ZNF507: variants seen among roughly 807,000 people sequenced by gnomAD.
ZNF507 encodes zinc finger protein 507.
In ZNF507, 29 loss-of-function variants were observed where a neutral mutation model predicts 80.0. That is an observed-to-expected ratio of 0.36 (90% CI 0.27 to 0.49). The LOEUF is 0.49. Among genes scored for constraint, ZNF507 ranks in the 20% least tolerant of loss-of-function variants. The probability of loss-of-function intolerance (pLI) is 0.98; values close to 1 mark genes in which losing one functional copy is unlikely to be tolerated. For synonymous variants in ZNF507, 462 were observed against 422.5 expected (o/e 1.09, Z -1.15); for missense variants, 1,081 against 1,152.2 (o/e 0.94, Z 0.90).
chr19:32,378,651 A>T (rs201046798), intron 5 of ZNF507, among the ~76,000 whole-genome samples: 3,300 of 26,148 alleles, frequency 0.13, 115 homozygotes, highest in African/African-American at 0.25. Context: ...TTTTTTTTTT[A>T]AAAAAAAAAG....
intron 5 of ZNF507, among the ~76,000 whole-genome samples, chr19:32,370,750 T>C (rs752486132): frequency 2.0e-5 from 3 of 152,250 alleles, no homozygotes; most frequent in Non-Finnish European, 4.4e-5. Context: ...TTGTCCCATT[T>C]ATTTATTTGT....
chr19:32,358,628 C>T (rs1178517356), intron 4 of ZNF507: 6 of 152,164 alleles, frequency 3.9e-5, no homozygotes, highest in Admixed American at 3.3e-4. Flanking sequence ...TATGGTGTTA[C>T]TCCATGAAAC....
At position 32,361,947 on chromosome 19, in the gene ZNF507, G is replaced by A. The variant is rs779685740; in HGVS notation, c.2360+1329G>A. ...TCCTTTTTTTCTTTGACAGAGTCTC[G>A]CTCTGTCATCACCCAGGCTGGAGTG... On this transcript the variant is annotated intron_variant, in intron 5 of 6. Transcript: ENST00000355898. Among the ~76,000 whole-genome samples the A allele has an allele frequency of 8.1e-4, 96 of 119,164 alleles. 1 individual carries two copies. Among genetic ancestry groups the A allele is most frequent in the South Asian group, 4.4e-3 (15 of 3,416 alleles). The allele number at this position is 119,164 out of a possible 152,430, so 78.2% of individuals were successfully genotyped here.
At chr19:32,349,582 G>A (rs1287621881) in intron 2 of ZNF507, among the ~76,000 whole-genome samples, 1 of 152,158 alleles carries the variant, frequency 6.6e-6, no homozygotes, top group African/African-American at 2.4e-5. Context: ...CAAGTATTAA[G>A]AATTTAAAAT....
At chr19:32,374,021 G>A (rs1191900164) in intron 5 of ZNF507, among the ~76,000 whole-genome samples, 1 of 152,210 alleles carries the variant, frequency 6.6e-6, no homozygotes, top group Non-Finnish European at 1.5e-5. Flanking sequence ...AGAGCTGCCA[G>A]TGAAGTTTGT....
At chr19:32,350,182 A>T (rs1458008364) in intron 2 of ZNF507, among the ~76,000 whole-genome samples, 1 of 145,974 alleles carries the variant, frequency 6.9e-6, no homozygotes, top group Non-Finnish European at 1.5e-5. Context: ...ATACTTTATT[A>T]TCAGCTGTTT....
In ZNF507 at chr19:32,353,917, G is replaced by C. The variant is rs61758385; in HGVS notation, c.1087G>C (p.Glu363Gln). The C allele has an allele frequency of 8.2e-4, 1,328 of 1,614,030 alleles. 1 individual carries two copies. Among genetic ancestry groups the C allele is most frequent in the Non-Finnish European group, 1.0e-3 (1,232 of 1,180,038 alleles). Residue 363 changes from glutamate to glutamine, a missense_variant, in exon 3 of 7, where the codon GAA becomes CAA. Around this residue, in one of 6 missense-constraint regions of ZNF507, gnomAD observed 614 missense variants for 583.9 expected, o/e 1.05. Transcript: ENST00000355898. The part of the protein sequence containing the change: ...TLDPNEEEML[E>Q]VISDAEENLI... ...GGACCCCAATGAGGAAGAAATGCTA[G>C]AAGTGATTTCTGATGCAGAGGAGAA...
Position 32,386,400 on chromosome 19 carries a change from A to G in ZNF507, c.*3317A>G, listed in dbSNP as rs918758810. 2 of 152,644 alleles carry G rather than the reference A, an allele frequency of 1.3e-5. No individual in the cohort carries two copies. Among genetic ancestry groups the G allele is most frequent in the Admixed American group, 1.3e-4 (2 of 15,286 alleles). 9.5% of individuals were successfully genotyped at this position (152,644 alleles called of 1,614,324 possible). A position where few individuals can be genotyped will look rare whatever the true frequency, so the allele number is the denominator to read the frequency against. ...CACTTATTTAATCTTTTTAAATTGTACAGCAAGGTGCTCTAAGTAATATTC... is the reference window on the plus strand; with the variant it reads ...CACTTATTTAATCTTTTTAAATTGTGCAGCAAGGTGCTCTAAGTAATATTC... On this transcript the variant is annotated 3_prime_UTR_variant, in exon 7 of 7. Coordinates refer to ENST00000355898, the MANE Select transcript of ZNF507 (RefSeq NM_001136156.2).
At position 32,354,378 on chromosome 19, in the gene ZNF507, G is replaced by C. The variant is rs1333812224; in HGVS notation, c.1548G>C (p.Gly516=). 1 of 1,614,086 alleles carries C rather than the reference G, an allele frequency of 6.2e-7. No individual in the cohort carries two copies. The highest frequency in any genetic ancestry group is 8.5e-7 in the Non-Finnish European group (1 of 1,180,018). ...CAGAGTTGACAAGAGCCAACCTGGG[G>C]CACTATGGAGATATAAACCTTTTAG... The part of the protein sequence containing the change: ...RAAELTRANL[G]HYGDINLLDP... The change falls in exon 3 of 7, where the codon GGG becomes GGC. Residue 516 remains glycine, a synonymous_variant. Transcript: ENST00000355898.
At chr19:32,360,417 AT>A in intron 4 of ZNF507, 86 bp from the exon 5 acceptor site, 1 of 602,890 alleles carries the variant, frequency 1.7e-6, no homozygotes, top group South Asian at 3.7e-5. Flanking sequence ...ACTGTGTGGT[AT>A]AAATTTTCAT....
At chr19:32,370,649 T>TG (rs1365963698) in intron 5 of ZNF507, among the ~76,000 whole-genome samples, 1 of 152,224 alleles carries the variant, frequency 6.6e-6, no homozygotes, top group Non-Finnish European at 1.5e-5. Flanking sequence ...ATCGGATATG[T>TG]GGTTTGCAGA....
chr19:32,383,183 T>C lies in ZNF507; in HGVS notation c.*100T>C. The C allele has an allele frequency of 6.9e-7, 1 of 1,457,838 alleles. No homozygotes were observed. Among genetic ancestry groups the C allele is most frequent in the Non-Finnish European group, 9.2e-7 (1 of 1,088,218 alleles). The allele number at this position is 1,457,838 out of a possible 1,614,324, so 90.3% of individuals were successfully genotyped here. A position where few individuals can be genotyped will look rare whatever the true frequency, so the allele number is the denominator to read the frequency against. ...CAACTTCCTGCCACAGAAGAAGTCG[T>C]TGATGTGATTTTTGAGGAAATGACA... On this transcript the variant is annotated 3_prime_UTR_variant, in exon 7 of 7. Transcript: ENST00000355898.
rs1404108144 is a variant in ZNF507 at position 32,386,065 on chromosome 19, C to T, written c.*2982C>T. On this transcript the variant is annotated 3_prime_UTR_variant, in exon 7 of 7. Coordinates refer to ENST00000355898, the MANE Select transcript of ZNF507 (RefSeq NM_001136156.2). ...TTTTCAGGGCTCTATCATTTTCTCCCTTTCTCTAATCATCCAGAATATGGC... is the reference window on the plus strand; with the variant it reads ...TTTTCAGGGCTCTATCATTTTCTCCTTTTCTCTAATCATCCAGAATATGGC... 1 of 152,328 alleles carries T rather than the reference C, an allele frequency of 6.6e-6. No individual in the cohort carries two copies. The highest frequency in any genetic ancestry group is 1.9e-4 in the East Asian group (1 of 5,190). The allele number at this position is 152,328 out of a possible 1,614,324, so 9.4% of individuals were successfully genotyped here. A position where few individuals can be genotyped will look rare whatever the true frequency, so the allele number is the denominator to read the frequency against.
rs1388634067 is a variant in ZNF507, at chr19:32,385,633, G to A, written c.*2550G>A. 1 of 152,196 alleles carries A rather than the reference G, an allele frequency of 6.6e-6. No homozygotes were observed. The highest frequency in any genetic ancestry group is 1.5e-5 in the Non-Finnish European group (1 of 68,062). 9.4% of individuals were successfully genotyped at this position (152,196 alleles called of 1,614,324 possible). A position where few individuals can be genotyped will look rare whatever the true frequency, so the allele number is the denominator to read the frequency against. ...AGTTTAAGACCAGCCTGGGCAACAC[G>A]GGGAGACCCTGTCTCTACAAGAAAT... On this transcript the variant is annotated 3_prime_UTR_variant, in exon 7 of 7. Coordinates refer to ENST00000355898, the MANE Select transcript of ZNF507 (RefSeq NM_001136156.2).
chr19:32,349,219 T>TG (rs1232198107), intron 2 of ZNF507, among the ~76,000 whole-genome samples: 2 of 152,208 alleles, frequency 1.3e-5, no homozygotes, highest in Non-Finnish European at 2.9e-5. Flanking sequence ...TACCTCCCTC[T>TG]GATCTGTCAT....
chr19:32,369,751 C>T (rs77836892), intron 5 of ZNF507, among the ~76,000 whole-genome samples: 59 of 152,154 alleles, frequency 3.9e-4, no homozygotes, highest in African/African-American at 1.3e-3. Context: ...TATCATCTTA[C>T]GTACTTTTTT....
At chr19:32,368,975 C>T (rs1293355006) in intron 5 of ZNF507, among the ~76,000 whole-genome samples, 1 of 152,222 alleles carries the variant, frequency 6.6e-6, no homozygotes, top group Admixed American at 6.5e-5. Flanking sequence ...GGTCCCAGGC[C>T]AGGAAAGTGG....
intron 3 of ZNF507, 91 bp from the exon 4 acceptor site, chr19:32,356,525 C>A: frequency 1.2e-6 from 1 of 814,292 alleles, no homozygotes; most frequent in Non-Finnish European, 2.0e-6. Flanking sequence ...TTGTACTAGG[C>A]CATGAAAGCA....
rs376965014 is a variant in ZNF507 at position 32,353,343 on chromosome 19, A to T, written c.513A>T (p.Glu171Asp). ...HITSRSQEEL[E>D]AHVVNDHDND... Reference sequence around the variant, plus strand: ...CATCTAGAAGCCAGGAGGAACTTGAAGCCCACGTGGTGAATGACCATGACA... The same window carrying T: ...CATCTAGAAGCCAGGAGGAACTTGATGCCCACGTGGTGAATGACCATGACA... The change falls in exon 3 of 7, where the codon GAA becomes GAT. Residue 171 changes from glutamate (E) to aspartate (D), a missense_variant. Around this residue, in one of 6 missense-constraint regions of ZNF507, gnomAD observed 275 missense variants for 303.9 expected, o/e 0.90. Coordinates refer to ENST00000355898, the MANE Select transcript of ZNF507 (RefSeq NM_001136156.2). 2.5e-6 allele frequency: 4 copies of T among 1,614,262 alleles called. No homozygotes were observed. Among genetic ancestry groups the T allele is most frequent in the Non-Finnish European group, 3.4e-6 (4 of 1,180,046 alleles).
Sources: gnomAD v4.1 joint callset for allele counts (sites outside exome capture counted in the v4.1 genomes callset) on GRCh38, gnomAD v4.1.1 for gene constraint, gnomAD v4.1.1 regional missense constraint, MANE v1.5 for transcripts, NCBI Gene and HGNC (gene_info 2026-07-23, HGNC 2026-07-21) for gene names.